Variants in PLAC1 observed in about 807,000 individuals in gnomAD.
PLAC1 encodes the protein placenta-specific protein 1.
For missense variants in PLAC1, 136 were observed against 163.2 expected, an observed-to-expected ratio of 0.83 and a Z score of 0.91; for synonymous variants, 68 against 62.1, an observed-to-expected ratio of 1.09 and a Z score of -0.44.
At chrX:134,656,355 T>C (rs919279847) in intron 1 of PLAC1, among the ~76,000 whole-genome samples, 3 of 111,260 alleles carry the variant, frequency 2.7e-5, no homozygotes, top group African/African-American at 9.8e-5. Context: ...ATAACAGTTG[T>C]GCCTACCTCT....
upstream of PLAC1, among the ~76,000 whole-genome samples, chrX:134,663,192 G>A (rs2078422480): frequency 8.9e-6 from 1 of 112,234 alleles, no homozygotes; most frequent in African/African-American, 3.2e-5. Context: ...ATTTTGACAT[G>A]CATTTTGTTG....
intron 1 of PLAC1, among the ~76,000 whole-genome samples, chrX:134,613,903 C>T (rs2078166521): frequency 9.0e-6 from 1 of 110,955 alleles, no homozygotes; most frequent in Non-Finnish European, 1.9e-5. Flanking sequence ...CAAGTCCAGT[C>T]CCCTTCCCTT....
At position 134,594,713 on chromosome X, in the gene PLAC1, T is replaced by C. The variant is rs1357115134; in HGVS notation, c.-59+7338A>G. Among the ~76,000 whole-genome samples the C allele has an allele frequency of 2.7e-5, 3 of 111,025 alleles. No individual in the cohort carries two copies. The East Asian group carries it at 8.5e-4, about 31-fold the overall frequency. ...GTTTGTAGTAGTATCCCCTGTTCTG[T>C]TTCTGATGCTGGTAATTTGTTTCTT... On this transcript the variant is annotated intron_variant, in intron 2 of 2. Coordinates refer to ENST00000359237, the MANE Select transcript of PLAC1 (RefSeq NM_021796.4).
intron 2 of PLAC1, among the ~76,000 whole-genome samples, chrX:134,590,306 G>A (rs888964754): frequency 2.3e-4 from 26 of 111,483 alleles, no homozygotes; most frequent in African/African-American, 7.8e-4. Context: ...CTTATTACCT[G>A]GCTTCATTCA....
chrX:134,660,238 G>A (rs2078411501), upstream of PLAC1, among the ~76,000 whole-genome samples: 1 of 109,941 alleles, frequency 9.1e-6, no homozygotes, highest in Non-Finnish European at 1.9e-5. Flanking sequence ...CTGAGTAGCT[G>A]GGATTACAGG....
At chrX:134,619,744 C>T (rs764488466) in intron 1 of PLAC1, among the ~76,000 whole-genome samples, 1 of 110,881 alleles carries the variant, frequency 9.0e-6, no homozygotes, top group African/African-American at 3.3e-5. Context: ...CTTTAAATAA[C>T]AAGCCGATCT....
chrX:134,713,857 G>A (rs188674539), intron 2 of PLAC1, among the ~76,000 whole-genome samples: 1 of 111,734 alleles, frequency 8.9e-6, no homozygotes, highest in Non-Finnish European at 1.9e-5. Context: ...GGGTCCGGAT[G>A]GTCCCGTGAA....
intron 2 of PLAC1, among the ~76,000 whole-genome samples, chrX:134,683,925 C>T (rs759256801): frequency 1.2e-4 from 14 of 112,059 alleles, no homozygotes; most frequent in Non-Finnish European, 2.1e-4. Context: ...GTTAAATTGG[C>T]ATGTCCACTA....
chrX:134,706,338 A>T (rs773702512), intron 2 of PLAC1, among the ~76,000 whole-genome samples: 2 of 111,925 alleles, frequency 1.8e-5, no homozygotes, highest in Non-Finnish European at 3.8e-5. Context: ...ACTGTAATAA[A>T]TCTCCTTTCT....
At chrX:134,677,167 C>T (rs985566367) in intron 2 of PLAC1, among the ~76,000 whole-genome samples, 2 of 111,066 alleles carry the variant, frequency 1.8e-5, no homozygotes, top group African/African-American at 3.3e-5. Context: ...GACGTCCACT[C>T]GCTGGATAGT....
intron 2 of PLAC1, among the ~76,000 whole-genome samples, chrX:134,590,324 T>C (rs1009204735): frequency 1.1e-4 from 12 of 111,942 alleles, no homozygotes; most frequent in Non-Finnish European, 2.3e-4. Flanking sequence ...TCATCCAACA[T>C]ATACGTACTG....
At chrX:134,580,511 G>A (rs746249048) in intron 2 of PLAC1, among the ~76,000 whole-genome samples, 3 of 112,190 alleles carry the variant, frequency 2.7e-5, no homozygotes, top group East Asian at 5.6e-4. Flanking sequence ...ATAGTTCTCT[G>A]TCTAGTCTAT....
chrX:134,696,296 T>C (rs1416513133), intron 2 of PLAC1, among the ~76,000 whole-genome samples: 1 of 111,197 alleles, frequency 9.0e-6, no homozygotes, highest in Non-Finnish European at 1.9e-5. Flanking sequence ...TAACCTCCCA[T>C]ACTGGAGAAA....
chrX:134,703,297 G>A (rs1943915888), intron 2 of PLAC1, among the ~76,000 whole-genome samples: 1 of 111,342 alleles, frequency 9.0e-6, no homozygotes, highest in African/African-American at 3.3e-5. Context: ...AAGACAGATG[G>A]CATTCAAAAA....
intron 1 of PLAC1, among the ~76,000 whole-genome samples, chrX:134,759,396 G>A (rs760078957): frequency 2.7e-5 from 3 of 111,150 alleles, no homozygotes; most frequent in Non-Finnish European, 3.8e-5. Context: ...TGATCCACCC[G>A]CCTCGGCCTC....
chrX:134,715,064 C>T (rs2147835566), intron 2 of PLAC1, among the ~76,000 whole-genome samples: 1 of 112,166 alleles, frequency 8.9e-6, no homozygotes, highest in South Asian at 3.8e-4. Flanking sequence ...ATATTGATAA[C>T]ACAGATCAGT....
rs182997684 is a variant in PLAC1 at position 134,673,111 on chromosome X, T to C, written n.174+60324A>G. On this transcript the variant is annotated intron_variant and non_coding_transcript_variant, in intron 2 of 2. Coordinates refer to the PLAC1 transcript ENST00000466797. The stretch of plus-strand genomic sequence containing the variant: ...GCTTGTGAACTTGCTGAAATTAAAC[T>C]GGGTGAGCCTCTGCAGGCTAAAGTA... Among the ~76,000 whole-genome samples the C allele has an allele frequency of 6.5e-4, 72 of 111,162 alleles. 1 individual carries two copies. In the East Asian group the frequency reaches 0.02, roughly 31 times the overall value.
At chrX:134,735,657 GAA>G (rs1491397629) in intron 1 of PLAC1, among the ~76,000 whole-genome samples, 1 of 106,226 alleles carries the variant, frequency 9.4e-6, no homozygotes, top group East Asian at 2.9e-4. Flanking sequence ...AAAGAGAGAG[GAA>G]GAGAGAGAGA....
intron 1 of PLAC1, among the ~76,000 whole-genome samples, chrX:134,742,242 G>A (rs2078718625): frequency 1.8e-5 from 2 of 113,215 alleles, no homozygotes; most frequent in African/African-American, 6.4e-5. Context: ...CCCAGGCACT[G>A]AGAGCACAGG....
Sources: gnomAD v4.1 joint callset for allele counts (sites outside exome capture counted in the v4.1 genomes callset) on GRCh38, gnomAD v4.1.1 for gene constraint, MANE v1.5 for transcripts, NCBI Gene and HGNC (gene_info 2026-07-23, HGNC 2026-07-21) for gene names.